BLTP3A: variants seen among roughly 807,000 people sequenced by gnomAD.
BLTP3A encodes the protein bridge-like lipid transfer protein family member 3A.
chr6:34,840,760 T>C, the BLTP3A span, among the ~76,000 whole-genome samples: 101,505 of 148,992 alleles, frequency 0.68, 36,320 homozygotes, highest in African/African-American at 0.92. Flanking sequence ...GGACTACAGG[T>C]GCCCGCCACC....
At chr6:34,856,872 G>T in the BLTP3A span, 1 of 1,614,190 alleles carries the variant, frequency 6.2e-7, no homozygotes, top group Non-Finnish European at 8.5e-7. Context: ...CTCCAGCATG[G>T]AACCGCTTAC....
the BLTP3A span, among the ~76,000 whole-genome samples, chr6:34,823,680 C>T: frequency 6.6e-6 from 1 of 151,410 alleles, no homozygotes; most frequent in African/African-American, 2.4e-5. Flanking sequence ...GTAGCTGGGA[C>T]CACAGGCGCA....
the BLTP3A span, chr6:34,864,028 G>A: frequency 1.2e-5 from 20 of 1,611,962 alleles, no homozygotes; most frequent in Non-Finnish European, 1.5e-5. Context: ...ACAGATGAGG[G>A]GGTGGCAGCC....
At chr6:34,857,285 C>G in the BLTP3A span, 2 of 1,611,242 alleles carry the variant, frequency 1.2e-6, no homozygotes, top group South Asian at 1.1e-5. Flanking sequence ...GAGGGCTGCT[C>G]TAAGTTTGAT....
the BLTP3A span, among the ~76,000 whole-genome samples, chr6:34,819,366 G>C: frequency 2.1e-5 from 3 of 140,234 alleles, no homozygotes; most frequent in Non-Finnish European, 3.0e-5. Flanking sequence ...TCTTACAGGA[G>C]AGAGGGTTAT....
chr6:34,847,921 C>CTTTCTTTTTTTTTTTTTTT, the BLTP3A span, among the ~76,000 whole-genome samples: 18 of 91,152 alleles, frequency 2.0e-4, 1 homozygote, highest in Non-Finnish European at 2.2e-4. Flanking sequence ...TCTTTTTTTC[C>CTTTCTTTTTTTTTTTTTTT]TTTTTTTTTT....
At chr6:34,833,473 A>G in the BLTP3A span, among the ~76,000 whole-genome samples, 1,283 of 151,438 alleles carry the variant, frequency 8.5e-3, 19 homozygotes, top group African/African-American at 0.027. Flanking sequence ...TAGAAACCCT[A>G]TGTCTCTTTT....
the BLTP3A span, among the ~76,000 whole-genome samples, chr6:34,805,557 C>A: frequency 5.4e-5 from 8 of 148,394 alleles, no homozygotes; most frequent in Admixed American, 5.5e-4. Flanking sequence ...AGTGCCATTG[C>A]ACCCCAGGCT....
the BLTP3A span, chr6:34,870,767 T>A: frequency 6.8e-7 from 1 of 1,473,598 alleles, no homozygotes; most frequent in Non-Finnish European, 9.1e-7. Context: ...TCCTTTGACA[T>A]AGGGTTATTA....
chr6:34,847,085 A>G, the BLTP3A span, among the ~76,000 whole-genome samples: 654 of 152,334 alleles, frequency 4.3e-3, 5 homozygotes, highest in African/African-American at 0.015. Context: ...TATTTGGATC[A>G]TTCTTGAATT....
the BLTP3A span, chr6:34,836,491 T>G: frequency 1.4e-6 from 1 of 735,000 alleles, no homozygotes; most frequent in South Asian, 1.8e-5. Flanking sequence ...TCCTTGGGCC[T>G]CAGCCCTCCT....
chr6:34,877,240 G>C, the BLTP3A span: 1 of 152,652 alleles, frequency 6.6e-6, no homozygotes, highest in Non-Finnish European at 1.5e-5. Flanking sequence ...CTTCACGAGA[G>C]AACAGCTTCA....
the BLTP3A span, among the ~76,000 whole-genome samples, chr6:34,824,013 GCTCA>G: frequency 6.6e-6 from 1 of 150,460 alleles, no homozygotes; most frequent in Non-Finnish European, 1.5e-5. Context: ...TGTGATCTTG[GCTCA>G]CTGCATCATC....
chr6:34,855,476 C>T, the BLTP3A span: 22 of 892,196 alleles, frequency 2.5e-5, no homozygotes, highest in Non-Finnish European at 3.4e-5. Context: ...TGCAAATCAC[C>T]TCACATCCTG....
the BLTP3A span, chr6:34,856,426 T>C: frequency 6.2e-7 from 1 of 1,611,334 alleles, no homozygotes; most frequent in Admixed American, 1.7e-5. Context: ...TATGAGGAAC[T>C]GGAAGACTCC....
the BLTP3A span, chr6:34,835,149 T>G: frequency 2.6e-3 from 2,438 of 946,824 alleles, 34 homozygotes; most frequent in African/African-American, 0.026. Flanking sequence ...TTAGTAGTTT[T>G]ATAAGAAATT....
At chr6:34,859,562 C>T in the BLTP3A span, 9 of 1,613,626 alleles carry the variant, frequency 5.6e-6, no homozygotes, top group Non-Finnish European at 7.6e-6. Context: ...TTGTCCCTGC[C>T]CCCAGCCAAG....
At chr6:34,809,433 A>T in the BLTP3A span, among the ~76,000 whole-genome samples, 1 of 152,218 alleles carries the variant, frequency 6.6e-6, no homozygotes, top group Non-Finnish European at 1.5e-5. Context: ...GTGAACAAAG[A>T]TTAATAAGTT....
At chr6:34,811,261 G>C in the BLTP3A span, among the ~76,000 whole-genome samples, 5 of 152,166 alleles carry the variant, frequency 3.3e-5, no homozygotes, top group African/African-American at 1.2e-4. Context: ...TTTAAAAACA[G>C]AAATAGGCAG....
Sources: gnomAD v4.1 joint callset for allele counts (sites outside exome capture counted in the v4.1 genomes callset) on GRCh38, gnomAD v4.1.1 for gene constraint, MANE v1.5 for transcripts, NCBI Gene and HGNC (gene_info 2026-07-23, HGNC 2026-07-21) for gene names.